Variants in BCAS4 observed in about 807,000 individuals in gnomAD.
BCAS4 encodes breast carcinoma-amplified sequence 4.
A neutral mutation model predicts 15.7 loss-of-function variants in BCAS4; 9 were observed. The ratio of observed to expected loss-of-function variants is 0.57; its 90% CI spans 0.34 to 1.00. BCAS4 has a LOEUF of 1.00. Among genes scored for constraint, BCAS4 ranks in the 50% least tolerant of loss-of-function variants. The pLI is 0.02. For synonymous variants in BCAS4, 101 were observed against 99.5 expected (o/e 1.02, Z -0.09); for missense variants, 225 against 239.1 (o/e 0.94, Z 0.39).
rs965376843 is a variant in BCAS4, at chr20:50,818,222, G to A, written c.102G>A (p.Val34=). The change falls in exon 2 of 5, where the codon GTG becomes GTA. Residue 34 remains valine (V), a synonymous_variant. Transcript: ENST00000371608. ...TPEPGAEAKE[V]EETIEGMLLR... Reference sequence around the variant, plus strand: ...CGTCTCTTTTTCAGGCGAAGGAGGTGGAGGAGACCATCGAGGGCATGCTCC... The same window carrying A: ...CGTCTCTTTTTCAGGCGAAGGAGGTAGAGGAGACCATCGAGGGCATGCTCC... 1 of 1,614,098 alleles carries A rather than the reference G, an allele frequency of 6.2e-7. No individual in the cohort carries two copies. The highest frequency in any genetic ancestry group is 1.7e-5 in the Admixed American group (1 of 60,030).
At chr20:50,794,930 G>A (rs1600837019), upstream of BCAS4, 18 of 1,116,414 alleles carry the variant, frequency 1.6e-5, no homozygotes, top group Non-Finnish European at 2.0e-5. Context: ...CGGCGCTCCT[G>A]GAGCTGCGAG....
At chr20:50,864,015 G>A (rs758353152) in intron 4 of BCAS4, among the ~76,000 whole-genome samples, 3 of 152,212 alleles carry the variant, frequency 2.0e-5, no homozygotes, top group Non-Finnish European at 4.4e-5. Context: ...AGCCAGGAGC[G>A]CCAGCACCAT....
rs771780945 is a variant in BCAS4 at position 50,841,859 on chromosome 20, C to T, written c.358C>T (p.Arg120Trp). Residue 120 changes from arginine to tryptophan, a missense_variant, in exon 4 of 5, where the codon CGG (arginine) becomes TGG (tryptophan). Physicochemically the swap from Arg to Trp is moderately radical, Grantham distance 101 (BLOSUM62 -3). Transcript: ENST00000371608. The part of the protein sequence containing the change: ...RDHGAFPQAL[R>W]RWLGSAGLPS... ...CCATGGGGCCTTCCCTCAGGCCCTGCGGAGGTGGCTGGGATCCGCAGGGCT... is the reference window on the plus strand; with the variant it reads ...CCATGGGGCCTTCCCTCAGGCCCTGTGGAGGTGGCTGGGATCCGCAGGGCT... 4.4e-5 allele frequency: 71 copies of T among 1,606,134 alleles called. No individual in the cohort carries two copies. Among genetic ancestry groups the T allele is most frequent in the South Asian group, 1.3e-4 (12 of 90,478 alleles).
chr20:50,865,625 C>T (rs146062372), intron 4 of BCAS4, among the ~76,000 whole-genome samples: 53 of 152,316 alleles, frequency 3.5e-4, no homozygotes, highest in Non-Finnish European at 6.6e-4. Flanking sequence ...CCCTGGACAC[C>T]GGCTGCCAGC....
At chr20:50,801,355 G>T (rs2087924623) in intron 1 of BCAS4, among the ~76,000 whole-genome samples, 1 of 152,086 alleles carries the variant, frequency 6.6e-6, no homozygotes, top group South Asian at 2.1e-4. Flanking sequence ...GAACCCGGGA[G>T]GTGGAAGTTG....
intron 3 of BCAS4, chr20:50,840,503 T>G: frequency 1.6e-6 from 2 of 1,280,610 alleles, no homozygotes; most frequent in South Asian, 2.4e-5. Context: ...AGCACAGTCA[T>G]TTAAACTTGA....
intron 2 of BCAS4, among the ~76,000 whole-genome samples, chr20:50,821,531 C>G (rs1315210017): frequency 3.3e-5 from 5 of 152,152 alleles, no homozygotes; most frequent in Admixed American, 6.5e-5. Flanking sequence ...CTTGGGGCCT[C>G]TTTTTTCTCT....
At position 50,841,767 on chromosome 20, in the gene BCAS4, C is replaced by A. The variant is rs762159407; in HGVS notation, c.266C>A (p.Ala89Asp). Reference sequence around the variant, plus strand: ...TCATGGCTTCTCCGTGTCCCTCAGGCCTTCGTCAAGATGGTTGGACACCAC... The same window carrying A: ...TCATGGCTTCTCCGTGTCCCTCAGGACTTCGTCAAGATGGTTGGACACCAC... Reference protein sequence around the residue: ...GIYAKVDRLEAFVKMVGHHVA... With the variant: ...GIYAKVDRLEDFVKMVGHHVA... Residue 89 changes from alanine (A) to aspartate (D), a missense_variant and splice_region_variant, in exon 4 of 5, where the codon GCC becomes GAC. Coordinates refer to ENST00000371608, the MANE Select transcript of BCAS4 (RefSeq NM_198799.4). 6.2e-6 allele frequency: 10 copies of A among 1,613,988 alleles called. No homozygotes were observed. The highest frequency in any genetic ancestry group is 1.6e-4 in the Middle Eastern group (1 of 6,062).
At chr20:50,818,161 G>T (rs1326173575) in intron 1 of BCAS4, 50 bp from the exon 2 acceptor site, 76 of 1,457,566 alleles carry the variant, frequency 5.2e-5, no homozygotes, top group South Asian at 2.3e-4. Flanking sequence ...AAGGGTGTTT[G>T]TCTCCCTGGA....
chr20:50,808,847 C>T (rs1204712388), intron 1 of BCAS4, among the ~76,000 whole-genome samples: 1 of 152,092 alleles, frequency 6.6e-6, no homozygotes, highest in African/African-American at 2.4e-5. Flanking sequence ...TTAAGTCCCA[C>T]CTATTTATCT....
chr20:50,830,363 A>G lies in BCAS4; in HGVS notation c.247A>G (p.Lys83Glu), dbSNP rs564703831. ...KLTEMRGIYAKVDRLEAFVKM... is the reference protein window; with the variant it reads ...KLTEMRGIYAEVDRLEAFVKM... Reference sequence around the variant, plus strand: ...GACAGAAATGCGTGGCATCTATGCCAAAGTGGACCGGCTAGAGGTACGTCT... The same window carrying G: ...GACAGAAATGCGTGGCATCTATGCCGAAGTGGACCGGCTAGAGGTACGTCT... The change falls in exon 3 of 5, where the codon AAA becomes GAA. Residue 83 changes from lysine (K) to glutamate (E), a missense_variant. Coordinates refer to ENST00000371608, the MANE Select transcript of BCAS4 (RefSeq NM_198799.4). The G allele has an allele frequency of 1.7e-5, 27 of 1,613,646 alleles. No homozygotes were observed. In the South Asian group the frequency reaches 3.0e-4, roughly 18 times the overall value.
chr20:50,844,544 G>T (rs1270645450), intron 4 of BCAS4, among the ~76,000 whole-genome samples: 1 of 152,174 alleles, frequency 6.6e-6, no homozygotes, highest in South Asian at 2.1e-4. Context: ...CCTAACAGTG[G>T]GTCCTGCCTG....
intron 3 of BCAS4, among the ~76,000 whole-genome samples, chr20:50,837,712 G>A (rs1349515389): frequency 6.6e-6 from 1 of 152,236 alleles, no homozygotes; most frequent in Non-Finnish European, 1.5e-5. Flanking sequence ...CTCTCTGGCT[G>A]CGGCTTGGCT....
At chr20:50,835,214 C>G (rs2088392324) in intron 3 of BCAS4, among the ~76,000 whole-genome samples, 1 of 151,148 alleles carries the variant, frequency 6.6e-6, no homozygotes, top group Non-Finnish European at 1.5e-5. Context: ...AGTGACTACA[C>G]TATTTTGAAC....
intron 1 of BCAS4, among the ~76,000 whole-genome samples, chr20:50,816,113 C>T (rs1209069627): frequency 7.3e-6 from 1 of 137,384 alleles, no homozygotes; most frequent in Non-Finnish European, 1.6e-5. Context: ...GCAACCTCCT[C>T]CTTCTGGGTT....
At chr20:50,871,382 G>A (rs558464015) in intron 4 of BCAS4, among the ~76,000 whole-genome samples, 72 of 152,366 alleles carry the variant, frequency 4.7e-4, no homozygotes, top group South Asian at 3.5e-3. Flanking sequence ...CTGTCCACCC[G>A]CCAGGGCGTC....
chr20:50,804,361 T>A (rs1047814584), intron 1 of BCAS4, among the ~76,000 whole-genome samples: 2 of 152,188 alleles, frequency 1.3e-5, no homozygotes, highest in African/African-American at 4.8e-5. Flanking sequence ...CACTCATGTT[T>A]TGGAGACCTT....
At chr20:50,819,755 C>T (rs779126946) in intron 2 of BCAS4, among the ~76,000 whole-genome samples, 4 of 152,098 alleles carry the variant, frequency 2.6e-5, no homozygotes, top group Non-Finnish European at 5.9e-5. Flanking sequence ...TTTACCACCA[C>T]GCATTGGACT....
intron 1 of BCAS4, among the ~76,000 whole-genome samples, chr20:50,796,192 G>A (rs2087854298): frequency 6.6e-6 from 1 of 150,962 alleles, no homozygotes. Flanking sequence ...AGACCAGCCT[G>A]ACCAACATGG....
Sources: allele counts gnomAD v4.1 joint callset (sites outside exome capture counted in the v4.1 genomes callset), GRCh38; gene constraint gnomAD v4.1.1; transcripts MANE v1.5; gene names NCBI Gene and HGNC (gene_info 2026-07-23, HGNC 2026-07-21).